Variants in NALF1 observed in about 807,000 individuals in gnomAD.
NALF1 encodes the protein family with sequence similarity 155 member A.
Under a neutral mutation model 48.4 loss-of-function variants are expected in NALF1, and 3 were observed. The observed-to-expected ratio is 0.06, with a 90% CI of 0.03 to 0.16. The LOEUF (loss-of-function observed/expected upper bound fraction) is 0.16. Ranked by LOEUF, NALF1 falls within the 10% of genes least tolerant of loss-of-function variation. The pLI, the probability that NALF1 is intolerant of heterozygous loss-of-function variation, is 1.00. For synonymous variants in NALF1, 262 were observed against 245.7 expected (o/e 1.07, Z -0.62); for missense variants, 526 against 571.5 (o/e 0.92, Z 0.81).
Position 107,480,394 on chromosome 13 carries a change from T to C in NALF1, c.916-269639A>G, listed in dbSNP as rs150274241. Among the ~76,000 whole-genome samples the C allele has an allele frequency of 1.6e-3, 241 of 152,312 alleles. 1 individual carries two copies. The highest frequency in any genetic ancestry group is 6.8e-3 in the Middle Eastern group (2 of 294). On this transcript the variant is annotated intron_variant, in intron 1 of 2. Coordinates refer to ENST00000375915, the MANE Select transcript of NALF1 (RefSeq NM_001080396.3). ...TATTAAGTCATTATCTGAGTAATTC[T>C]AGCATATCTGCCTTGGAATATTTTG...
At chr13:107,586,674 A>G (rs1360768247) in intron 1 of NALF1, among the ~76,000 whole-genome samples, 1 of 87,880 alleles carries the variant, frequency 1.1e-5, no homozygotes, top group Non-Finnish European at 2.3e-5. Flanking sequence ...TACAAAATGC[A>G]GGAGAGCAAA....
rs531235366 is a variant in NALF1 at position 107,818,799 on chromosome 13, G to A, written c.915+46883C>T. ...AGGCAGGAGAATGACGTGAACCCGG[G>A]AGGCGGAGCTTGCAGTGAGCCGAGA... On this transcript the variant is annotated intron_variant, in intron 1 of 2. Coordinates refer to ENST00000375915, the MANE Select transcript of NALF1 (RefSeq NM_001080396.3). Among the ~76,000 whole-genome samples the A allele has an allele frequency of 5.4e-4, 73 of 136,414 alleles. 1 individual carries two copies. Among genetic ancestry groups the A allele is most frequent in the South Asian group, 4.5e-3 (18 of 3,990 alleles). The allele number at this position is 136,414 out of a possible 152,430, so 89.5% of individuals were successfully genotyped here. A position where few individuals can be genotyped will look rare whatever the true frequency, so the allele number is the denominator to read the frequency against.
intron 1 of NALF1, among the ~76,000 whole-genome samples, chr13:107,299,971 C>G (rs1265572259): frequency 6.6e-6 from 1 of 152,108 alleles, no homozygotes; most frequent in African/African-American, 2.4e-5. Flanking sequence ...ATAAAGTGTC[C>G]TGGTTCCTGT....
At chr13:107,263,133 C>T (rs938034585) in intron 1 of NALF1, among the ~76,000 whole-genome samples, 2 of 152,126 alleles carry the variant, frequency 1.3e-5, no homozygotes, top group East Asian at 1.9e-4. Flanking sequence ...ACCCTTCAGT[C>T]TGTTCCTGAC....
At chr13:107,357,417 T>C (rs1045564811) in intron 1 of NALF1, among the ~76,000 whole-genome samples, 1 of 152,098 alleles carries the variant, frequency 6.6e-6, no homozygotes, top group South Asian at 2.1e-4. Flanking sequence ...ATGGGTATTA[T>C]AGGGATTACA....
chr13:107,792,620 C>G (rs1878283998), intron 1 of NALF1, among the ~76,000 whole-genome samples: 1 of 152,118 alleles, frequency 6.6e-6, no homozygotes, highest in Non-Finnish European at 1.5e-5. Context: ...GACAATCTTT[C>G]TAGACACGAG....
At position 107,178,958 on chromosome 13, in the gene NALF1, A is replaced by AC. The variant is rs1491551458; in HGVS notation, c.1088-8173_1088-8172insG. The stretch of plus-strand genomic sequence containing the variant: ...AGACTCTGTCTCAAAAAACAAACAA[A>AC]AAAAAAAAACAAAAAATAGAGCTAC... On this transcript the variant is annotated intron_variant, in intron 2 of 2. Transcript: ENST00000375915. Among the ~76,000 whole-genome samples, 444 of 150,374 alleles carry AC rather than the reference A, an allele frequency of 3.0e-3. 4 individuals carry two copies. Among genetic ancestry groups the AC allele is most frequent in the African/African-American group, 8.2e-3 (339 of 41,160 alleles).
At chr13:107,615,564 C>T (rs936292534) in intron 1 of NALF1, among the ~76,000 whole-genome samples, 4 of 152,286 alleles carry the variant, frequency 2.6e-5, no homozygotes, top group Middle Eastern at 3.4e-3. Context: ...GCCTTCAGAG[C>T]GAGGTCATAA....
At chr13:107,729,861 T>C (rs1876259033) in intron 1 of NALF1, among the ~76,000 whole-genome samples, 1 of 152,170 alleles carries the variant, frequency 6.6e-6, no homozygotes, top group Admixed American at 6.5e-5. Flanking sequence ...CCACATACAG[T>C]TAGTTATTTA....
chr13:107,525,638 A>T (rs1401086464), intron 1 of NALF1, among the ~76,000 whole-genome samples: 1 of 152,020 alleles, frequency 6.6e-6, no homozygotes, highest in East Asian at 1.9e-4. Flanking sequence ...CTTGAGTGGG[A>T]TTTTTTTAGT....
rs141114580 is a variant in NALF1 at position 107,444,638 on chromosome 13, T to C, written c.916-233883A>G. On this transcript the variant is annotated intron_variant, in intron 1 of 2. Coordinates refer to ENST00000375915, the MANE Select transcript of NALF1 (RefSeq NM_001080396.3). ...GAGCTATAATAGAGCTATGTCATGA[T>C]TGCAGAGTATGTTTATACAGCTTTT... Among the ~76,000 whole-genome samples, 9 of 152,320 alleles carry C rather than the reference T, an allele frequency of 5.9e-5. No homozygotes were observed. The East Asian group carries it at 1.7e-3, about 29-fold the overall frequency.
intron 1 of NALF1, among the ~76,000 whole-genome samples, chr13:107,625,746 G>A (rs1879651972): frequency 6.6e-6 from 1 of 151,970 alleles, no homozygotes; most frequent in Non-Finnish European, 1.5e-5. Context: ...AAATAAATAA[G>A]CTTCCTAGAC....
intron 1 of NALF1, among the ~76,000 whole-genome samples, chr13:107,601,488 C>T (rs955277427): frequency 6.6e-6 from 1 of 152,174 alleles, no homozygotes; most frequent in African/African-American, 2.4e-5. Flanking sequence ...CCTCTAGGCG[C>T]TCACTACAGA....
chr13:107,772,363 T>A (rs2138571230), intron 1 of NALF1, among the ~76,000 whole-genome samples: 1 of 152,320 alleles, frequency 6.6e-6, no homozygotes, highest in South Asian at 2.1e-4. Context: ...GAAAATTTTT[T>A]AAAATATTGA....
In NALF1 at chr13:107,293,348, C is replaced by T. The variant is rs117440680; in HGVS notation, c.916-82593G>A. 3.7e-4 allele frequency among the ~76,000 whole-genome samples: 57 copies of T among 152,148 alleles called. 2 individuals carry two copies. In the East Asian group the frequency reaches 8.7e-3, roughly 23 times the overall value. Reference sequence around the variant, plus strand: ...CATTGTTGACTGAAATGTTGTTAGGCGGTGCGTGACTGTATGAATCCTAAA... The same window carrying T: ...CATTGTTGACTGAAATGTTGTTAGGTGGTGCGTGACTGTATGAATCCTAAA... On this transcript the variant is annotated intron_variant, in intron 1 of 2. Transcript: ENST00000375915.
intron 1 of NALF1, among the ~76,000 whole-genome samples, chr13:107,422,661 A>G (rs1036094859): frequency 6.6e-6 from 1 of 152,204 alleles, no homozygotes; most frequent in Non-Finnish European, 1.5e-5. Flanking sequence ...GATTCAAAAA[A>G]CAGTTATCTC....
intron 1 of NALF1, among the ~76,000 whole-genome samples, chr13:107,352,012 G>T (rs1336766326): frequency 6.6e-6 from 1 of 151,948 alleles, no homozygotes; most frequent in African/African-American, 2.4e-5. Context: ...TTATGGAGGG[G>T]GTCTGCACCT....
At chr13:107,770,707 G>C (rs1877554471) in intron 1 of NALF1, among the ~76,000 whole-genome samples, 1 of 152,208 alleles carries the variant, frequency 6.6e-6, no homozygotes, top group Admixed American at 6.5e-5. Context: ...TAATTAGGAA[G>C]ACATGTTAAT....
intron 1 of NALF1, among the ~76,000 whole-genome samples, chr13:107,514,818 C>T (rs1239965201): frequency 6.6e-6 from 1 of 152,122 alleles, no homozygotes; most frequent in African/African-American, 2.4e-5. Flanking sequence ...TGGCTGTAGC[C>T]TGAATCATTG....
Sources: allele counts gnomAD v4.1 joint callset (sites outside exome capture counted in the v4.1 genomes callset), GRCh38; gene constraint gnomAD v4.1.1; transcripts MANE v1.5; gene names NCBI Gene and HGNC (gene_info 2026-07-23, HGNC 2026-07-21).